PARG: variants seen among roughly 807,000 people sequenced by gnomAD.
PARG encodes the protein poly(ADP-ribose) glycohydrolase, also known as mitochondrial poly(ADP-ribose) glycohydrolase.
A neutral mutation model predicts 113.0 loss-of-function variants in PARG; 35 were observed. The ratio of observed to expected loss-of-function variants is 0.31; its 90% confidence interval spans 0.24 to 0.41. The LOEUF (loss-of-function observed/expected upper bound fraction) is 0.41, where lower values mean the gene tolerates loss of function less well. Ranked by LOEUF, PARG falls within the 10% of genes least tolerant of loss-of-function variation. The pLI, the probability that PARG is intolerant of heterozygous loss-of-function variation, is 1.00. For missense variants in PARG, 797 were observed against 1,169.4 expected, an observed-to-expected ratio of 0.68 and a Z score of 4.64; for synonymous variants, 330 against 409.9, an observed-to-expected ratio of 0.81 and a Z score of 2.36.
At chr10:49,841,844 C>A in intron 15 of PARG, 106 bp downstream of exon 15, 1 of 717,950 alleles carries the variant, frequency 1.4e-6, no homozygotes, top group South Asian at 1.6e-5. Context: ...TGTGGGCAGA[C>A]ATACTGACAC....
chr10:49,886,966 T>C (rs1429260703), intron 7 of PARG, among the ~76,000 whole-genome samples: 4 of 152,198 alleles, frequency 2.6e-5, no homozygotes, highest in African/African-American at 9.6e-5. Context: ...CTGGCTTCTC[T>C]ATATCTGAAA....
At chr10:49,891,751 TCCTGAGTAGATG>T (rs1847819148) in intron 7 of PARG, among the ~76,000 whole-genome samples, 2 of 149,560 alleles carry the variant, frequency 1.3e-5, no homozygotes, top group South Asian at 4.3e-4. Flanking sequence ...TGCCTCAGCC[TCCTGAGTAGATG>T]AGACTACAGG....
In PARG at chr10:49,868,959, C is replaced by G. The variant is rs560121102; in HGVS notation, c.2068+517G>C. On this transcript the variant is annotated intron_variant, in intron 10 of 17. Transcript: ENST00000616448. Reference sequence around the variant, plus strand: ...TTTGTTGGACATTTACTATTACTGTCTTAGCTGCTATCAGTTTTTGGGGAA... The same window carrying G: ...TTTGTTGGACATTTACTATTACTGTGTTAGCTGCTATCAGTTTTTGGGGAA... 6.6e-4 allele frequency among the ~76,000 whole-genome samples: 100 copies of G among 151,708 alleles called. 1 individual carries two copies. In the South Asian group the frequency reaches 0.018, roughly 28 times the overall value.
intron 1 of PARG, among the ~76,000 whole-genome samples, chr10:49,937,231 CTT>C (rs1838791918): frequency 2.0e-5 from 3 of 152,180 alleles, no homozygotes; most frequent in Admixed American, 2.0e-4. Flanking sequence ...AATCCCAACA[CTT>C]TGGGAGGACG....
chr10:49,834,491 T>C (rs188665254), intron 15 of PARG, among the ~76,000 whole-genome samples: 1 of 152,308 alleles, frequency 6.6e-6, no homozygotes, highest in Non-Finnish European at 1.5e-5. Flanking sequence ...TTTAAATTAT[T>C]AGAAGCAAAA....
chr10:49,850,836 C>A (rs1185398331), intron 13 of PARG, among the ~76,000 whole-genome samples: 1 of 151,978 alleles, frequency 6.6e-6, no homozygotes, highest in Non-Finnish European at 1.5e-5. Context: ...CATACAAACA[C>A]TTTTGTACTA....
chr10:49,921,855 T>A (rs1251732018), intron 6 of PARG, among the ~76,000 whole-genome samples: 2 of 151,926 alleles, frequency 1.3e-5, no homozygotes, highest in African/African-American at 4.8e-5. Flanking sequence ...AAAAATAAAT[T>A]ATTGCCAAAA....
chr10:49,914,623 G>T (rs1287337635), intron 7 of PARG, among the ~76,000 whole-genome samples: 25 of 152,156 alleles, frequency 1.6e-4, no homozygotes, highest in African/African-American at 6.0e-4. Context: ...GAAATGCAAA[G>T]AATCCAAAAA....
chr10:49,849,778 C>T (rs1294190258), intron 13 of PARG, among the ~76,000 whole-genome samples: 5 of 151,798 alleles, frequency 3.3e-5, no homozygotes, highest in Admixed American at 1.3e-4. Flanking sequence ...TTTGAGAGGC[C>T]GAGGCAGGAG....
intron 4 of PARG, among the ~76,000 whole-genome samples, chr10:49,926,962 A>C (rs1554850699): frequency 6.6e-6 from 1 of 152,138 alleles, no homozygotes; most frequent in African/African-American, 2.4e-5. Context: ...GTTTGGCTTT[A>C]CTGCACTGGG....
At chr10:49,839,167 C>A (rs927701415) in intron 15 of PARG, among the ~76,000 whole-genome samples, 1 of 151,858 alleles carries the variant, frequency 6.6e-6, no homozygotes, top group Non-Finnish European at 1.5e-5. Flanking sequence ...TGAAACTCCA[C>A]CTCCATTAAA....
intron 7 of PARG, among the ~76,000 whole-genome samples, chr10:49,888,991 T>C: frequency 6.6e-6 from 1 of 152,104 alleles, no homozygotes; most frequent in East Asian, 1.9e-4. Flanking sequence ...TAAACCTGTC[T>C]ATTCCATTTT....
chr10:49,874,795 A>T (rs1846873483), intron 9 of PARG, among the ~76,000 whole-genome samples: 1 of 147,594 alleles, frequency 6.8e-6, no homozygotes, highest in East Asian at 1.9e-4. Context: ...TGGAGCTTGC[A>T]GTGAGCCGAG....
At chr10:49,919,836 G>A (rs1201838112) in intron 6 of PARG, among the ~76,000 whole-genome samples, 4 of 152,060 alleles carry the variant, frequency 2.6e-5, no homozygotes, top group African/African-American at 9.7e-5. Context: ...AGCTGAGATC[G>A]TGCCACTGCG....
chr10:49,906,394 C>A (rs1554845024), intron 7 of PARG, among the ~76,000 whole-genome samples: 1 of 152,004 alleles, frequency 6.6e-6, no homozygotes, highest in Non-Finnish European at 1.5e-5. Context: ...CTTATTGGGC[C>A]TCCCTAGCTT....
chr10:49,834,295 G>GAATTTTCTA (rs1441891457), intron 15 of PARG, among the ~76,000 whole-genome samples: 1 of 152,152 alleles, frequency 6.6e-6, no homozygotes, highest in Non-Finnish European at 1.5e-5. Context: ...TTTCATGTCA[G>GAATTTTCTA]AATTTTCTAA....
chr10:49,941,651 A>G lies in PARG; in HGVS notation c.75T>C (p.Ala25=). The G allele has an allele frequency of 1.3e-6, 2 of 1,598,044 alleles. No homozygotes were observed. The highest frequency in any genetic ancestry group is 1.7e-6 in the Non-Finnish European group (2 of 1,173,630). Reference sequence around the variant, plus strand: ...TGCTGGGAAAGCTCCGGGCGTCCGAAGCAGCCGGCGAAGTTGTAGCGGCGC... The same window carrying G: ...TGCTGGGAAAGCTCCGGGCGTCCGAGGCAGCCGGCGAAGTTGTAGCGGCGC... ...RWGAATTSPA[A]SDARSFPSRQ... is the part of the protein sequence containing the mutation. The change falls in exon 1 of 18, where the codon GCT becomes GCC. Residue 25 remains alanine, a synonymous_variant. Transcript: ENST00000616448.
At chr10:49,849,582 T>C (rs1182690503) in intron 13 of PARG, among the ~76,000 whole-genome samples, 1 of 152,208 alleles carries the variant, frequency 6.6e-6, no homozygotes, top group African/African-American at 2.4e-5. Context: ...TTCATGGGTG[T>C]AGTCATACGT....
At position 49,870,188 on chromosome 10, in the gene PARG, G is replaced by A. The variant is rs1176817730; in HGVS notation, c.1989-633C>T. On this transcript the variant is annotated intron_variant, in intron 9 of 17. Coordinates refer to ENST00000616448, the MANE Select transcript of PARG (RefSeq NM_003631.5). ...TGAGCAGGTAGTAACAGTTAAATGA[G>A]GTCATAGGGGTGGGACTCTAATCTG... 1.6e-4 allele frequency among the ~76,000 whole-genome samples: 24 copies of A among 150,472 alleles called. No individual in the cohort carries two copies. In the South Asian group the frequency reaches 4.7e-3, roughly 30 times the overall value.
Sources: gnomAD v4.1 joint callset for allele counts (sites outside exome capture counted in the v4.1 genomes callset) on GRCh38, gnomAD v4.1.1 for gene constraint, MANE v1.5 for transcripts, NCBI Gene and HGNC (gene_info 2026-07-23, HGNC 2026-07-21) for gene names.